MORN1: variants seen among roughly 807,000 people sequenced by gnomAD.
MORN1 encodes MORN repeat-containing protein 1.
Under a neutral mutation model 61.9 loss-of-function variants are expected in MORN1, and 67 were observed. That is an observed-to-expected ratio of 1.08 (90% CI 0.89 to 1.33). The LOEUF (loss-of-function observed/expected upper bound fraction) is 1.33. Ranked by LOEUF, MORN1 falls within the 40% of genes most tolerant of loss-of-function variation. The probability of loss-of-function intolerance (pLI) is 0.00; values close to 1 mark genes in which losing one functional copy is unlikely to be tolerated. For missense variants in MORN1, 752 were observed against 691.2 expected (o/e 1.09, Z -0.99); for synonymous variants, 301 against 292.0 (o/e 1.03, Z -0.31).
At position 2,334,673 on chromosome 1, in the gene MORN1, T is replaced by C. The variant is rs1361703261; in HGVS notation, c.1250+1796A>G. Among the ~76,000 whole-genome samples the C allele has an allele frequency of 6.6e-6, 1 of 152,192 alleles. No homozygotes were observed. Among genetic ancestry groups the C allele is most frequent in the Non-Finnish European group, 1.5e-5 (1 of 68,026 alleles). On this transcript the variant is annotated intron_variant, in intron 12 of 13. Transcript: ENST00000378531. This position sits in a 1 kb window ranked among gnomAD's most constrained non-coding sequence, Gnocchi z 5.4. ...CGAAGAGACGACATCATTTGAACAC[T>C]GAACACTCCGACTCCGCGGCCAGGT...
rs752373611 is a variant in MORN1, at chr1:2,388,257, G to A, written c.229C>T (p.Arg77Trp). Reference protein sequence around the residue: ...VDGEITGEGRRHWAWSGDTFS... With the variant: ...VDGEITGEGRWHWAWSGDTFS... Reference sequence around the variant, plus strand: ...AGCTCACCTGACCAGGCCCAGTGCCGGCGGCCTTCTCCCGTGATCTCTCCG... The same window carrying A: ...AGCTCACCTGACCAGGCCCAGTGCCAGCGGCCTTCTCCCGTGATCTCTCCG... Residue 77 changes from arginine (R) to tryptophan (W), a missense_variant, in exon 3 of 14, where the codon CGG becomes TGG. Physicochemically the swap from Arg to Trp is moderately radical, Grantham distance 101. Coordinates refer to ENST00000378531, the MANE Select transcript of MORN1 (RefSeq NM_024848.3). The A allele has an allele frequency of 1.6e-5, 26 of 1,613,678 alleles. No homozygotes were observed. Among genetic ancestry groups the A allele is most frequent in the South Asian group, 1.1e-4 (10 of 91,082 alleles).
chr1:2,343,871 C>T (rs561197129), intron 10 of MORN1, among the ~76,000 whole-genome samples: 38 of 152,218 alleles, frequency 2.5e-4, no homozygotes, highest in Middle Eastern at 6.8e-3. Flanking sequence ...CCCATTCTTC[C>T]GGAAGAGAAT....
chr1:2,353,557 C>T (rs1641698034), intron 10 of MORN1, among the ~76,000 whole-genome samples: 1 of 152,258 alleles, frequency 6.6e-6, no homozygotes, highest in African/African-American at 2.4e-5. Context: ...GGCCTCCCGG[C>T]CAGGAATACT....
chr1:2,367,025 T>C (rs1009944152), intron 8 of MORN1, among the ~76,000 whole-genome samples: 2 of 151,046 alleles, frequency 1.3e-5, no homozygotes, highest in Admixed American at 1.3e-4. Flanking sequence ...GAAAAATACG[T>C]AGAAAAACAA....
intron 6 of MORN1, chr1:2,378,740 A>G (rs1642302905): frequency 2.8e-6 from 1 of 359,848 alleles, no homozygotes. Flanking sequence ...CCCACCGAGG[A>G]TGTTCTGGAG....
rs1258077796 is a variant in MORN1, at chr1:2,321,441, G to C, written c.1436C>G (p.Ala479Gly). 3.9e-6 allele frequency: 6 copies of C among 1,541,472 alleles called. No individual in the cohort carries two copies. The highest frequency in any genetic ancestry group is 2.0e-5 in the Admixed American group (1 of 49,444). ...GTGGGCGGCCTGCCAGCTGCTTGAGGCTTCAGGGCCTTCTTCCAGGACATG... is the reference window on the plus strand; with the variant it reads ...GTGGGCGGCCTGCCAGCTGCTTGAGCCTTCAGGGCCTTCTTCCAGGACATG... ...PPHVLEEGPEASSSWQAAHSC... is the reference protein window; with the variant it reads ...PPHVLEEGPEGSSSWQAAHSC... Residue 479 changes from alanine (A) to glycine (G), a missense_variant, in exon 14 of 14, where the codon GCC becomes GGC. Ala to Gly is a moderately conservative substitution (Grantham distance 60, BLOSUM62 0). Coordinates refer to ENST00000378531, the MANE Select transcript of MORN1 (RefSeq NM_024848.3).
intron 12 of MORN1, among the ~76,000 whole-genome samples, chr1:2,333,183 GA>G (rs1358217806): frequency 1.3e-5 from 2 of 152,364 alleles, no homozygotes; most frequent in East Asian, 3.9e-4. Context: ...CCCGCCTGGA[GA>G]TGCTCCTGGT....
chr1:2,367,033 CAAT>C (rs1398906002), intron 8 of MORN1, among the ~76,000 whole-genome samples: 5 of 151,678 alleles, frequency 3.3e-5, no homozygotes, highest in East Asian at 1.9e-4. Context: ...CGTAGAAAAA[CAAT>C]AATATCAACA....
intron 6 of MORN1, chr1:2,378,781 C>A (rs144788155): frequency 0.011 from 4,139 of 375,854 alleles, 26 homozygotes; most frequent in Non-Finnish European, 0.017. Flanking sequence ...GCCCTCGGGT[C>A]CTGGGAGGTC....
At chr1:2,385,132 G>C in intron 5 of MORN1, 67 bp from the exon 6 acceptor site, 1 of 1,487,984 alleles carries the variant, frequency 6.7e-7, no homozygotes, top group Non-Finnish European at 9.2e-7. Context: ...GACTCAGACC[G>C]GCTCCTCCCA....
At chr1:2,373,119 C>CTGCT (rs1166209496) in intron 7 of MORN1, among the ~76,000 whole-genome samples, 2 of 152,248 alleles carry the variant, frequency 1.3e-5, no homozygotes, top group African/African-American at 4.8e-5. Flanking sequence ...ACACCGCATC[C>CTGCT]TGCTGCCCAC....
At chr1:2,366,107 GA>G (rs1641990697) in intron 8 of MORN1, among the ~76,000 whole-genome samples, 2 of 149,712 alleles carry the variant, frequency 1.3e-5, no homozygotes, top group South Asian at 4.3e-4. Flanking sequence ...ACTGGATTAA[GA>G]AAATGTGGCA....
intron 7 of MORN1, among the ~76,000 whole-genome samples, chr1:2,374,168 T>C (rs1642183842): frequency 6.6e-6 from 1 of 152,110 alleles, no homozygotes; most frequent in African/African-American, 2.4e-5. Flanking sequence ...CACATCACAG[T>C]GCAGAGGGCT....
At chr1:2,340,601 C>T (rs1641374879) in intron 10 of MORN1, among the ~76,000 whole-genome samples, 1 of 152,238 alleles carries the variant, frequency 6.6e-6, no homozygotes, top group African/African-American at 2.4e-5. Context: ...TCCTGTCGCC[C>T]ACTGCTTGTG....
Position 2,357,638 on chromosome 1 carries a change from CA to C in MORN1, c.870-41del. On this transcript the variant is annotated intron_variant, in intron 9 of 13. Coordinates refer to ENST00000378531, the MANE Select transcript of MORN1 (RefSeq NM_024848.3). This position sits in a 1 kb window ranked among gnomAD's most constrained non-coding sequence, Gnocchi z 6.3. ...GGGCAGCTTGGCTCTACTCACCCCA[CA>C]CCAAACTAGGGTGCAGGCAGACAGC... The C allele has an allele frequency of 6.5e-7, 1 of 1,546,782 alleles. No individual in the cohort carries two copies. Among genetic ancestry groups the C allele is most frequent in the Non-Finnish European group, 8.8e-7 (1 of 1,142,172 alleles).
At chr1:2,322,768 G>A (rs943301016) in intron 13 of MORN1, 92 of 985,422 alleles carry the variant, frequency 9.3e-5, no homozygotes, top group South Asian at 2.3e-4. Context: ...GGCGCTGGCC[G>A]GGGGGCCGAG....
At chr1:2,387,811 G>C (rs1191149321) in intron 3 of MORN1, 1 of 466,712 alleles carries the variant, frequency 2.1e-6, no homozygotes. Flanking sequence ...GAAGGGTGAG[G>C]TTTTTCCCTG....
chr1:2,340,202 A>T (rs1313169272), intron 10 of MORN1, among the ~76,000 whole-genome samples: 1 of 151,740 alleles, frequency 6.6e-6, no homozygotes, highest in Non-Finnish European at 1.5e-5. Flanking sequence ...TCCTCTGTTC[A>T]CACCCCTCTT....
At chr1:2,370,803 C>A (rs749971655) in intron 8 of MORN1, among the ~76,000 whole-genome samples, 1 of 151,564 alleles carries the variant, frequency 6.6e-6, no homozygotes, top group Non-Finnish European at 1.5e-5. Flanking sequence ...TTCAGCCTTC[C>A]GAGTAGCTGG....
Sources: allele counts gnomAD v4.1 joint callset (sites outside exome capture counted in the v4.1 genomes callset), GRCh38; gene constraint gnomAD v4.1.1; non-coding constraint Gnocchi (gnomAD v3.1); transcripts MANE v1.5; gene names NCBI Gene and HGNC (gene_info 2026-07-23, HGNC 2026-07-21).